Variants in MGAT5B observed in about 807,000 individuals in gnomAD.
The protein encoded by MGAT5B is N-acetylglucosaminyl-transferase Vb.
MGAT5B carries 54 observed loss-of-function variants against 95.1 expected under a neutral mutation model. The observed-to-expected ratio is 0.57, with a 90% CI of 0.46 to 0.71. The LOEUF (loss-of-function observed/expected upper bound fraction) is 0.71, where lower values mean the gene tolerates loss of function less well. Among genes scored for constraint, MGAT5B ranks in the 30% least tolerant of loss-of-function variants. MGAT5B has a pLI of 0.00. For synonymous variants in MGAT5B, 464 were observed against 451.0 expected (o/e 1.03, Z -0.36); for missense variants, 935 against 1,088.6 (o/e 0.86, Z 1.99).
intron 8 of MGAT5B, among the ~76,000 whole-genome samples, chr17:76,911,863 C>T (rs1399044256): frequency 6.6e-6 from 1 of 152,208 alleles, no homozygotes; most frequent in Non-Finnish European, 1.5e-5. Context: ...AATGCATGAA[C>T]TGAATCCTGG....
chr17:76,907,022 C>A (rs1968554876), intron 8 of MGAT5B, among the ~76,000 whole-genome samples: 2 of 151,670 alleles, frequency 1.3e-5, no homozygotes, highest in Admixed American at 1.3e-4. Flanking sequence ...CAGATGAAAC[C>A]TTAACTTGAA....
At chr17:76,929,076 G>C (rs899166732) in intron 10 of MGAT5B, among the ~76,000 whole-genome samples, 1 of 152,100 alleles carries the variant, frequency 6.6e-6, no homozygotes, top group African/African-American at 2.4e-5. Flanking sequence ...TTGTTGCCCA[G>C]GCTGGTCTTG....
intron 17 of MGAT5B, 41 bp downstream of exon 17, chr17:76,948,127 G>C (rs199827865): frequency 6.5e-7 from 1 of 1,537,224 alleles, no homozygotes; most frequent in Non-Finnish European, 8.8e-7. Flanking sequence ...CGCTATCATC[G>C]CTGGCCCAGC....
In MGAT5B at chr17:76,917,398, G is replaced by C. The variant is rs1968976184; in HGVS notation, c.1026-7568G>C. The stretch of plus-strand genomic sequence containing the variant: ...CAGTCCAGCATACATTTATCACTTT[G>C]AAGGATCAGCAGTTTGACCGTGGGC... On this transcript the variant is annotated intron_variant, in intron 8 of 17. Transcript: ENST00000569840. The surrounding 1 kb of genome is among the most constrained non-coding windows in gnomAD (Gnocchi z 6.1). Among the ~76,000 whole-genome samples, 2 of 152,018 alleles carry C rather than the reference G, an allele frequency of 1.3e-5. No homozygotes were observed. The highest frequency in any genetic ancestry group is 2.4e-5 in the African/African-American group (1 of 41,336).
chr17:76,937,008 T>TG (rs1254356799), intron 12 of MGAT5B, among the ~76,000 whole-genome samples: 2 of 151,982 alleles, frequency 1.3e-5, no homozygotes, highest in Non-Finnish European at 2.9e-5. Flanking sequence ...TTCAATGTTT[T>TG]TTTTTTTTTT....
intron 12 of MGAT5B, among the ~76,000 whole-genome samples, chr17:76,937,462 G>T (rs1969713124): frequency 6.6e-6 from 1 of 152,002 alleles, no homozygotes; most frequent in Non-Finnish European, 1.5e-5. Context: ...TGGGTGAATG[G>T]ATGGATGGGT....
chr17:76,869,234 G>A lies in MGAT5B; in HGVS notation c.68+137G>A. 1.3e-6 allele frequency: 1 copy of A among 760,810 alleles called. No individual in the cohort carries two copies. Among genetic ancestry groups the A allele is most frequent in the South Asian group, 1.5e-5 (1 of 65,410 alleles). 47.1% of individuals were successfully genotyped at this position (760,810 alleles called of 1,614,324 possible). On this transcript the variant is annotated intron_variant, in intron 1 of 17. Coordinates refer to ENST00000569840, the MANE Select transcript of MGAT5B (RefSeq NM_001199172.2). This position sits in a 1 kb window ranked among gnomAD's most constrained non-coding sequence, Gnocchi z 7.0. ...TCAACCCCTGGTGATGACCAGTGGG[G>A]CTGGGCTGGGGGAACGGATGGCGTT...
intron 15 of MGAT5B, 34 bp from the exon 16 acceptor site, chr17:76,946,342 T>A (rs1599013003): frequency 1.3e-6 from 2 of 1,574,934 alleles, no homozygotes; most frequent in East Asian, 2.3e-5. Context: ...CTGGGCCTTC[T>A]CCCGCCCCAT....
chr17:76,940,439 C>G lies in MGAT5B; in HGVS notation c.1622C>G (p.Ala541Gly). 1 of 1,612,452 alleles carries G rather than the reference C, an allele frequency of 6.2e-7. No individual in the cohort carries two copies. Among genetic ancestry groups the G allele is most frequent in the Non-Finnish European group, 8.5e-7 (1 of 1,179,084 alleles). The change falls in exon 14 of 18, where the codon GCC becomes GGC. Residue 541 changes from alanine to glycine, a missense_variant. Physicochemically the swap from Ala to Gly is moderately conservative, Grantham distance 60. Transcript: ENST00000569840. The surrounding 1 kb of genome is among the most constrained non-coding windows in gnomAD (Gnocchi z 4.3). ...TTTGGCTTCCCCTACGAGGGCCCCG[C>G]CCCCCTGGAGGCCATCGCCAATGGT... ...IGFGFPYEGP[A>G]PLEAIANGCI...
intron 2 of MGAT5B, among the ~76,000 whole-genome samples, chr17:76,874,036 G>C (rs978912141): frequency 3.3e-5 from 5 of 152,098 alleles, no homozygotes; most frequent in Non-Finnish European, 2.9e-5. Flanking sequence ...CATTCCTCTG[G>C]TTTCACATGC....
intron 10 of MGAT5B, 102 bp from the exon 11 acceptor site, chr17:76,932,543 C>A: frequency 1.3e-6 from 2 of 1,531,546 alleles, no homozygotes; most frequent in Non-Finnish European, 1.8e-6. Context: ...CCCTTTCCCA[C>A]CCCTGCCAAA....
intron 8 of MGAT5B, among the ~76,000 whole-genome samples, chr17:76,910,986 A>G (rs556045171): frequency 6.6e-6 from 1 of 152,392 alleles, no homozygotes; most frequent in South Asian, 2.1e-4. Context: ...CCTCCCCAGG[A>G]GAATTCCCCA....
intron 9 of MGAT5B, among the ~76,000 whole-genome samples, chr17:76,925,468 C>G (rs8069237): frequency 3.4e-5 from 5 of 148,786 alleles, no homozygotes; most frequent in African/African-American, 5.0e-5. Context: ...GTGGGGAGAG[C>G]AGCTCAGCAC....
Position 76,908,981 on chromosome 17 carries a change from A to T in MGAT5B, c.1025+2794A>T, listed in dbSNP as rs546879057. Reference sequence around the variant, plus strand: ...GCCACCGTGCCCAGCTAATTTTTGTATTTTTAGTAGAGACAGGATTTCACC... The same window carrying T: ...GCCACCGTGCCCAGCTAATTTTTGTTTTTTTAGTAGAGACAGGATTTCACC... On this transcript the variant is annotated intron_variant, in intron 8 of 17. Transcript: ENST00000569840. Among the ~76,000 whole-genome samples the T allele has an allele frequency of 2.7e-5, 4 of 150,866 alleles. No individual in the cohort carries two copies. In the South Asian group the frequency reaches 8.4e-4, roughly 32 times the overall value.
intron 2 of MGAT5B, 103 bp from the exon 3 acceptor site, chr17:76,882,048 G>GA: frequency 7.7e-7 from 1 of 1,294,394 alleles, no homozygotes; most frequent in Non-Finnish European, 1.1e-6. Context: ...GTTGGTGCTG[G>GA]GGGACTTTGG....
chr17:76,885,911 G>A (rs1421811663), intron 3 of MGAT5B, among the ~76,000 whole-genome samples: 1 of 151,650 alleles, frequency 6.6e-6, no homozygotes, highest in African/African-American at 2.4e-5. Flanking sequence ...ACTCTCAGGT[G>A]CCTGCACTTG....
At chr17:76,948,202 A>T in intron 17 of MGAT5B, 116 bp downstream of exon 17, 1 of 1,443,048 alleles carries the variant, frequency 6.9e-7, no homozygotes, top group Non-Finnish European at 9.1e-7. Context: ...GGGGGATGTA[A>T]TGCTTTCCAA....
intron 9 of MGAT5B, among the ~76,000 whole-genome samples, chr17:76,925,441 G>C (rs1305161861): frequency 6.7e-6 from 1 of 150,146 alleles, no homozygotes; most frequent in Non-Finnish European, 1.5e-5. Context: ...CTGTGACCCT[G>C]CTGTGGGGAC....
rs1393088057 is a variant in MGAT5B at position 76,916,848 on chromosome 17, T to C, written c.1026-8118T>C. Among the ~76,000 whole-genome samples the C allele has an allele frequency of 6.6e-6, 1 of 152,042 alleles. No homozygotes were observed. On this transcript the variant is annotated intron_variant, in intron 8 of 17. Coordinates refer to ENST00000569840, the MANE Select transcript of MGAT5B (RefSeq NM_001199172.2). This position sits in a 1 kb window ranked among gnomAD's most constrained non-coding sequence, Gnocchi z 5.3. ...TGGCTGGAGAGGAGGAAGGTGGCAG[T>C]GGACGAGCTTCAGGAACCATCTGTC...
Sources: gnomAD v4.1 joint callset for allele counts (sites outside exome capture counted in the v4.1 genomes callset) on GRCh38, gnomAD v4.1.1 for gene constraint, Gnocchi (gnomAD v3.1) non-coding constraint, MANE v1.5 for transcripts, NCBI Gene and HGNC (gene_info 2026-07-23, HGNC 2026-07-21) for gene names.